Variants in ZC3H13 observed in about 807,000 individuals in gnomAD.
The protein encoded by ZC3H13 is zinc finger CCCH domain-containing protein 13.
Under a neutral mutation model 204.1 loss-of-function variants are expected in ZC3H13, and 64 were observed. That is an observed-to-expected ratio of 0.31 (90% CI 0.26 to 0.39). The LOEUF (loss-of-function observed/expected upper bound fraction) is 0.39. Among genes scored for constraint, ZC3H13 ranks in the 10% least tolerant of loss-of-function variants. The pLI, the probability that ZC3H13 is intolerant of heterozygous loss-of-function variation, is 1.00. For synonymous variants in ZC3H13, 667 were observed against 693.7 expected (o/e 0.96, Z 0.60); for missense variants, 1,833 against 2,082.7 (o/e 0.88, Z 2.33).
In ZC3H13 at chr13:46,009,833, TAGC is replaced by T. The variant is rs745411354; in HGVS notation, c.746+512_746+514del. On this transcript the variant is annotated intron_variant, in intron 7 of 18. Coordinates refer to ENST00000679008, the MANE Select transcript of ZC3H13 (RefSeq NM_001330564.2). ...ACAAAAATTTTTTGTGTATAATTTG[TAGC>T]AGTTTAAAAATCGGAAACAACATAA... is the stretch of plus-strand genomic sequence containing the variant. Among the ~76,000 whole-genome samples, 300 of 152,256 alleles carry T rather than the reference TAGC, an allele frequency of 2.0e-3. 2 individuals carry two copies. The highest frequency in any genetic ancestry group is 2.7e-3 in the Non-Finnish European group (182 of 67,974).
At chr13:46,002,676 C>T (rs1020897463) in intron 8 of ZC3H13, among the ~76,000 whole-genome samples, 2 of 152,136 alleles carry the variant, frequency 1.3e-5, no homozygotes, top group Admixed American at 6.6e-5. Context: ...TCAAAAAAGA[C>T]AAACACTGTA....
In ZC3H13 at chr13:45,956,539, T is replaced by C. The variant is rs1222998576; in HGVS notation, c.*588A>G. The stretch of plus-strand genomic sequence containing the variant: ...AGGGTCAAAAGACATCCAACATACA[T>C]TGTAACAATGCACACATATTAATTA... On this transcript the variant is annotated 3_prime_UTR_variant, in exon 19 of 19. Transcript: ENST00000679008. The C allele has an allele frequency of 6.6e-6, 1 of 152,076 alleles. No individual in the cohort carries two copies. The highest frequency in any genetic ancestry group is 2.4e-5 in the African/African-American group (1 of 41,420). 9.4% of individuals were successfully genotyped at this position (152,076 alleles called of 1,614,324 possible).
At chr13:45,967,080 T>C (rs1952152936) in intron 15 of ZC3H13, among the ~76,000 whole-genome samples, 1 of 152,196 alleles carries the variant, frequency 6.6e-6, no homozygotes, top group African/African-American at 2.4e-5. Flanking sequence ...GGTAGTGTTA[T>C]TGTTTCATAT....
At chr13:46,000,214 G>A (rs748190116) in intron 8 of ZC3H13, among the ~76,000 whole-genome samples, 5 of 152,116 alleles carry the variant, frequency 3.3e-5, no homozygotes, top group Non-Finnish European at 7.4e-5. Context: ...CCTGTTCTTC[G>A]GAGCTTTGAA....
rs578201478 is a variant in ZC3H13, at chr13:45,968,489, A to G, written c.3796+259T>C. Among the ~76,000 whole-genome samples the G allele has an allele frequency of 4.6e-5, 7 of 152,290 alleles. No homozygotes were observed. In the East Asian group the frequency reaches 1.2e-3, roughly 25 times the overall value. Reference sequence around the variant, plus strand: ...GCATCAATAAGGGACTTGAACACATAAACCCTTCCACCAAGACATACTACT... The same window carrying G: ...GCATCAATAAGGGACTTGAACACATGAACCCTTCCACCAAGACATACTACT... On this transcript the variant is annotated intron_variant, in intron 14 of 18. Transcript: ENST00000679008.
chr13:45,963,471 G>C lies in ZC3H13; in HGVS notation c.4675+371C>G, dbSNP rs1002950597. On this transcript the variant is annotated intron_variant, in intron 17 of 18. Coordinates refer to ENST00000679008, the MANE Select transcript of ZC3H13 (RefSeq NM_001330564.2). ...GGGTCTTGCTCTGTCACCTAGGTTG[G>C]AGTGTGGTGGCTCAATCATGGCTCA... 4.9e-6 allele frequency: 5 copies of C among 1,015,962 alleles called. No homozygotes were observed. In the South Asian group the frequency reaches 2.0e-4, roughly 40 times the overall value. The allele number at this position is 1,015,962 out of a possible 1,614,324, so 62.9% of individuals were successfully genotyped here.
chr13:45,962,698 CAT>C, intron 17 of ZC3H13: 1 of 981,194 alleles, frequency 1.0e-6, no homozygotes, highest in Non-Finnish European at 1.2e-6. Context: ...TCATAAAACT[CAT>C]AAAACAATAT....
rs2041559006 is a variant in ZC3H13 at position 46,011,496 on chromosome 13, C to T, written c.507G>A (p.Lys169=). The T allele has an allele frequency of 3.1e-6, 5 of 1,603,200 alleles. No individual in the cohort carries two copies. Among genetic ancestry groups the T allele is most frequent in the Non-Finnish European group, 4.3e-6 (5 of 1,174,680 alleles). The part of the protein sequence containing the change: ...DYVHELSLEM[K]RQKIQRELMK... ...TTAATTCCCTCTGTATCTTCTGACGCTTCATTTCCAATGACAATTCATGAA... is the reference window on the plus strand; with the variant it reads ...TTAATTCCCTCTGTATCTTCTGACGTTTCATTTCCAATGACAATTCATGAA... Residue 169 remains lysine, a synonymous_variant, in exon 6 of 19, where the codon AAG becomes AAA. Coordinates refer to ENST00000679008, the MANE Select transcript of ZC3H13 (RefSeq NM_001330564.2).
At chr13:46,033,344 T>C (rs371614390) in intron 4 of ZC3H13, among the ~76,000 whole-genome samples, 2 of 152,196 alleles carry the variant, frequency 1.3e-5, no homozygotes, top group South Asian at 4.1e-4. Flanking sequence ...ATTATCTTAA[T>C]AGGATATATC....
At chr13:45,988,124 C>T (rs1022860330) in intron 9 of ZC3H13, among the ~76,000 whole-genome samples, 9 of 152,146 alleles carry the variant, frequency 5.9e-5, no homozygotes, top group African/African-American at 2.2e-4. Flanking sequence ...TGATTTGTTG[C>T]TTTTCTTCCC....
chr13:45,962,902 G>A, intron 17 of ZC3H13: 1 of 985,346 alleles, frequency 1.0e-6, no homozygotes, highest in Non-Finnish European at 1.2e-6. Flanking sequence ...GGTACTAGAT[G>A]AGACAGAGAC....
Position 45,985,474 on chromosome 13 carries a change from T to C in ZC3H13, c.1543A>G (p.Thr515Ala). 6.2e-7 allele frequency: 1 copy of C among 1,614,220 alleles called. No homozygotes were observed. The highest frequency in any genetic ancestry group is 8.5e-7 in the Non-Finnish European group (1 of 1,180,034). ...HDYRDREGRD[T>A]HRKEDTYPEE... ...GGATATGTATCCTCCTTTCGATGAGTATCTCGACCTTCACGGTCCCTGTAG... is the reference window on the plus strand; with the variant it reads ...GGATATGTATCCTCCTTTCGATGAGCATCTCGACCTTCACGGTCCCTGTAG... Residue 515 changes from threonine (T) to alanine (A), a missense_variant, in exon 10 of 19, where the codon ACT becomes GCT. Around this residue, in one of 5 missense-constraint regions of ZC3H13, gnomAD observed 1,574 missense variants for 1,757.2 expected, o/e 0.90. Coordinates refer to ENST00000679008, the MANE Select transcript of ZC3H13 (RefSeq NM_001330564.2).
At chr13:46,026,129 A>C (rs1351174402) in intron 4 of ZC3H13, among the ~76,000 whole-genome samples, 3 of 152,118 alleles carry the variant, frequency 2.0e-5, no homozygotes, top group Non-Finnish European at 4.4e-5. Context: ...GTTTATACTA[A>C]AGAAAAATAC....
intron 1 of ZC3H13, among the ~76,000 whole-genome samples, chr13:46,045,757 C>T (rs561523202): frequency 7.9e-5 from 12 of 152,270 alleles, no homozygotes; most frequent in Non-Finnish European, 1.8e-4. Flanking sequence ...AATTGTACCT[C>T]TTCTGCAGAG....
Position 45,975,368 on chromosome 13 carries a change from T to G in ZC3H13, c.2383A>C (p.Lys795Gln), listed in dbSNP as rs1346767738. Residue 795 changes from lysine to glutamine, a missense_variant, in exon 12 of 19, where the codon AAA becomes CAA. Around this residue, in one of 5 missense-constraint regions of ZC3H13, gnomAD observed 1,574 missense variants for 1,757.2 expected, o/e 0.90. Coordinates refer to ENST00000679008, the MANE Select transcript of ZC3H13 (RefSeq NM_001330564.2). Reference sequence around the variant, plus strand: ...TTTTCTCTGCGGTCATCTCGTCCTTTGTCTTTGTCTTCCCAATCCCTTTGG... The same window carrying G: ...TTTTCTCTGCGGTCATCTCGTCCTTGGTCTTTGTCTTCCCAATCCCTTTGG... ...ERQRDWEDKD[K>Q]GRDDRREKRE... The G allele has an allele frequency of 6.2e-7, 1 of 1,614,122 alleles. No individual in the cohort carries two copies.
intron 15 of ZC3H13, among the ~76,000 whole-genome samples, chr13:45,966,042 A>T (rs950028243): frequency 6.6e-6 from 1 of 152,168 alleles, no homozygotes; most frequent in Non-Finnish European, 1.5e-5. Flanking sequence ...ATGCTTTAAT[A>T]CAATTAAAAA....
rs1312849802 is a variant in ZC3H13 at position 46,010,422 on chromosome 13, G to A, written c.672C>T (p.Ser224=). The change falls in exon 7 of 19, where the codon AGC becomes AGT. Residue 224 remains serine (S), a synonymous_variant. Coordinates refer to ENST00000679008, the MANE Select transcript of ZC3H13 (RefSeq NM_001330564.2). ...KSSKSPKRKS[S]PKSSSASKKD... Reference sequence around the variant, plus strand: ...TCTTGCTAGCTGAAGACGACTTCGGGCTTGATTTTCGCTTCGGAGATTTGC... The same window carrying A: ...TCTTGCTAGCTGAAGACGACTTCGGACTTGATTTTCGCTTCGGAGATTTGC... The A allele has an allele frequency of 3.1e-6, 5 of 1,613,776 alleles. No individual in the cohort carries two copies. Among genetic ancestry groups the A allele is most frequent in the Non-Finnish European group, 4.2e-6 (5 of 1,179,768 alleles).
At chr13:45,967,129 A>G (rs1952156710) in intron 15 of ZC3H13, among the ~76,000 whole-genome samples, 1 of 152,202 alleles carries the variant, frequency 6.6e-6, no homozygotes, top group Admixed American at 6.5e-5. Context: ...GGATTCACTA[A>G]TAATTATTTG....
At chr13:46,039,257 G>A (rs2043409190) in intron 4 of ZC3H13, among the ~76,000 whole-genome samples, 1 of 152,018 alleles carries the variant, frequency 6.6e-6, no homozygotes, top group Non-Finnish European at 1.5e-5. Flanking sequence ...TTTATTTGAT[G>A]AACATAAAAA....
Sources: allele counts gnomAD v4.1 joint callset (sites outside exome capture counted in the v4.1 genomes callset), GRCh38; gene constraint gnomAD v4.1.1; regional missense constraint gnomAD v4.1.1; transcripts MANE v1.5; gene names NCBI Gene and HGNC (gene_info 2026-07-23, HGNC 2026-07-21).